ATM: variants seen among roughly 807,000 people sequenced by gnomAD.
ATM encodes the protein serine-protein kinase ATM.
ATM carries 308 observed loss-of-function variants against 387.0 expected under a neutral mutation model. The observed-to-expected ratio is 0.80, with a 90% confidence interval of 0.73 to 0.87. ATM has a LOEUF of 0.87. ATM is among the 40% of genes least tolerant of loss of function. The pLI is 0.00. For synonymous variants in ATM, 1,156 were observed against 1,187.3 expected, an observed-to-expected ratio of 0.97 and a Z score of 0.54; for missense variants, 3,312 against 3,560.9, an observed-to-expected ratio of 0.93 and a Z score of 1.78.
intron 55 of ATM, 60 bp downstream of exon 55, chr11:108,335,169 A>T (rs1340279471): frequency 1.2e-6 from 2 of 1,610,806 alleles, no homozygotes; most frequent in Admixed American, 1.7e-5. Flanking sequence ...TTTTTAGTTC[A>T]TATTTTCTTT....
chr11:108,345,299 G>GT (rs1591261044), intron 57 of ATM, among the ~76,000 whole-genome samples: 1 of 152,204 alleles, frequency 6.6e-6, no homozygotes, highest in Non-Finnish European at 1.5e-5. Flanking sequence ...GCTTCAGGTA[G>GT]TATTTTATGG....
At position 108,294,792 on chromosome 11, in the gene ATM, C is replaced by A. The variant is rs905861645; in HGVS notation, c.4777-135C>A. ...TTGCAGTGGAAGAAATCATTTATTT[C>A]TTCCTTGATTAGTAGTAATAGAGAC... On this transcript the variant is annotated intron_variant, in intron 31 of 62. Transcript: ENST00000675843. 1.3e-4 allele frequency: 120 copies of A among 897,892 alleles called. No homozygotes were observed. In the Middle Eastern group the frequency reaches 1.4e-3, roughly 10 times the overall value. 55.6% of individuals were successfully genotyped at this position (897,892 alleles called of 1,614,324 possible).
At chr11:108,267,071 C>T in intron 16 of ATM, 100 bp from the exon 17 acceptor site, 1 of 1,222,868 alleles carries the variant, frequency 8.2e-7, no homozygotes, top group African/African-American at 1.5e-5. Flanking sequence ...GCTGAGATTA[C>T]AGATGTGAGC....
intron 26 of ATM, among the ~76,000 whole-genome samples, chr11:108,284,932 T>C (rs1424712371): frequency 6.6e-6 from 1 of 152,150 alleles, no homozygotes; most frequent in Non-Finnish European, 1.5e-5. Flanking sequence ...TACCTTCTAA[T>C]GTATGATACA....
At chr11:108,251,558 A>G (rs1275215134) in intron 10 of ATM, among the ~76,000 whole-genome samples, 1 of 152,214 alleles carries the variant, frequency 6.6e-6, no homozygotes, top group Non-Finnish European at 1.5e-5. Context: ...CGTGTATCCA[A>G]AAGACTTTCT....
chr11:108,297,117 T>C (rs1176274802), intron 32 of ATM, 170 bp from the exon 33 acceptor site: 13 of 598,804 alleles, frequency 2.2e-5, no homozygotes, highest in Non-Finnish European at 3.5e-5. Context: ...TCTGTTGTAT[T>C]AAGGAAGTTC....
At chr11:108,348,713 T>G (rs949622423) in intron 59 of ATM, among the ~76,000 whole-genome samples, 7 of 152,158 alleles carry the variant, frequency 4.6e-5, no homozygotes, top group Non-Finnish European at 8.8e-5. Flanking sequence ...GTTTCATTAT[T>G]TTCCAAAGAA....
intron 23 of ATM, among the ~76,000 whole-genome samples, 166 bp from the exon 24 acceptor site, chr11:108,280,829 G>A (rs968772975): frequency 1.3e-5 from 2 of 152,108 alleles, no homozygotes; most frequent in Non-Finnish European, 1.5e-5. Context: ...CAAAGGTATT[G>A]GTCCTTACTC....
At chr11:108,289,209 T>A (rs2135755965) in intron 28 of ATM, 106 bp downstream of exon 28, 1 of 1,176,552 alleles carries the variant, frequency 8.5e-7, no homozygotes, top group Non-Finnish European at 1.2e-6. Context: ...GAAAAATTTA[T>A]CTCATAATTA....
At position 108,299,831 on chromosome 11, in the gene ATM, T is replaced by C; in HGVS notation, c.5123T>C (p.Leu1708Pro). ...CTTAAGTTATTTGAAGATAAAGAAC[T>C]TCAGTGGACCTTCATAATGCTGACC... is the stretch of plus-strand genomic sequence containing the variant. ...KALKLFEDKE[L>P]QWTFIMLTYL... The change falls in exon 34 of 63, where the codon CTT (leucine) becomes CCT (proline). Residue 1708 changes from leucine to proline, a missense_variant. Coordinates refer to ENST00000675843, the MANE Select transcript of ATM (RefSeq NM_000051.4). 6.2e-7 allele frequency: 1 copy of C among 1,613,964 alleles called. No individual in the cohort carries two copies.
intron 39 of ATM, among the ~76,000 whole-genome samples, chr11:108,311,773 GTATT>G (rs2084183225): frequency 6.6e-6 from 1 of 152,016 alleles, no homozygotes; most frequent in Non-Finnish European, 1.5e-5. Flanking sequence ...ACTTATGATA[GTATT>G]TATTTTATGT....
intron 46 of ATM, 52 bp from the exon 47 acceptor site, chr11:108,326,006 T>C (rs373242949): frequency 1.4e-4 from 218 of 1,579,450 alleles, no homozygotes; most frequent in Middle Eastern, 3.4e-4. Context: ...TTATTCATGG[T>C]AGTAGTATCA....
At chr11:108,333,047 C>G in intron 53 of ATM, 147 bp downstream of exon 53, 1 of 943,204 alleles carries the variant, frequency 1.1e-6, no homozygotes, top group Non-Finnish European at 1.6e-6. Flanking sequence ...CTTCAGCATT[C>G]CCTGGTTACT....
rs2135798380 is a variant in ATM at position 108,292,657 on chromosome 11, C to T, written c.4475C>T (p.Ser1492Phe). ...ATGGATGTGTCATTACGTAGCTTCT[C>T]CCTTTGTTGTGACTTATTAAGTCAG... is the stretch of plus-strand genomic sequence containing the variant. ...CIMDVSLRSFSLCCDLLSQVC... is the reference protein window; with the variant it reads ...CIMDVSLRSFFLCCDLLSQVC... The change falls in exon 30 of 63, where the codon TCC (serine) becomes TTC (phenylalanine). Residue 1492 changes from serine (S) to phenylalanine (F), a missense_variant. Ser to Phe is a radical substitution (Grantham distance 155, BLOSUM62 -2). This residue lies in a region of ATM where 1,791 missense variants were observed against 1,804.5 expected (regional missense o/e 0.99). Coordinates refer to ENST00000675843, the MANE Select transcript of ATM (RefSeq NM_000051.4). 6.2e-7 allele frequency: 1 copy of T among 1,613,710 alleles called. No homozygotes were observed. The highest frequency in any genetic ancestry group is 1.7e-4 in the Middle Eastern group (1 of 6,058).
intron 32 of ATM, chr11:108,295,351 G>C (rs2083065050): frequency 2.9e-6 from 1 of 349,488 alleles, no homozygotes; most frequent in Non-Finnish European, 5.3e-6. Context: ...TTTTTTTTAA[G>C]AGTCTCACTC....
chr11:108,356,914 C>G lies in ATM; in HGVS notation c.8850+2040C>G, dbSNP rs115270248. Among the ~76,000 whole-genome samples the G allele has an allele frequency of 5.5e-3, 838 of 152,270 alleles. 9 individuals carry two copies. Among genetic ancestry groups the G allele is most frequent in the African/African-American group, 0.019 (791 of 41,558 alleles). On this transcript the variant is annotated intron_variant, in intron 61 of 62. Coordinates refer to ENST00000675843, the MANE Select transcript of ATM (RefSeq NM_000051.4). Reference sequence around the variant, plus strand: ...CATCTCCACCTACAATAACTGTCACCTTTAAACACACCCTCCGGGAGGAGG... The same window carrying G: ...CATCTCCACCTACAATAACTGTCACGTTTAAACACACCCTCCGGGAGGAGG...
At chr11:108,259,177 CT>C (rs2080709068) in intron 16 of ATM, 102 bp downstream of exon 16, 1 of 990,846 alleles carries the variant, frequency 1.0e-6, no homozygotes, top group African/African-American at 1.6e-5. Context: ...CAACATATAG[CT>C]CTTAACATTT....
At chr11:108,266,406 G>A (rs1023983005) in intron 16 of ATM, among the ~76,000 whole-genome samples, 3 of 149,554 alleles carry the variant, frequency 2.0e-5, no homozygotes, top group South Asian at 2.1e-4. Context: ...AACACCGCAT[G>A]TTCTCACTCA....
At chr11:108,277,495 G>T (rs947247706) in intron 22 of ATM, among the ~76,000 whole-genome samples, 3 of 152,180 alleles carry the variant, frequency 2.0e-5, no homozygotes, top group African/African-American at 7.2e-5. Flanking sequence ...CCCTGGTGGT[G>T]TAGGCACCCA....
Sources: allele counts gnomAD v4.1 joint callset (sites outside exome capture counted in the v4.1 genomes callset), GRCh38; gene constraint gnomAD v4.1.1; regional missense constraint gnomAD v4.1.1; transcripts MANE v1.5; gene names NCBI Gene and HGNC (gene_info 2026-07-23, HGNC 2026-07-21).